Variants in CHD8 observed in about 807,000 individuals in gnomAD.
CHD8 encodes ATP-dependent chromatin remodeler CHD8.
CHD8 carries 31 observed loss-of-function variants against 279.2 expected under a neutral mutation model. The ratio of observed to expected loss-of-function variants is 0.11; its 90% CI spans 0.08 to 0.15. The LOEUF is 0.15. Ranked by LOEUF, CHD8 falls within the 10% of genes least tolerant of loss-of-function variation. CHD8 has a pLI of 1.00. For synonymous variants in CHD8, 1,081 were observed against 1,139.6 expected (o/e 0.95, Z 1.04); for missense variants, 2,146 against 3,230.5 (o/e 0.66, Z 8.14).
chr14:21,431,852 G>A lies in CHD8; in HGVS notation c.-209C>T, dbSNP rs1042024460. 4.4e-6 allele frequency: 7 copies of A among 1,608,490 alleles called. No homozygotes were observed. Among genetic ancestry groups the A allele is most frequent in the East Asian group, 2.2e-5 (1 of 44,868 alleles). On this transcript the variant is annotated 5_prime_UTR_variant, in exon 2 of 38. Coordinates refer to ENST00000646647, the MANE Select transcript of CHD8 (RefSeq NM_001170629.2). Reference sequence around the variant, plus strand: ...GGCTACGTCTTCAGAGGAAGATGGTGGAACTCCTGTTGTAGGAATACAAAT... The same window carrying A: ...GGCTACGTCTTCAGAGGAAGATGGTAGAACTCCTGTTGTAGGAATACAAAT...
At position 21,399,677 on chromosome 14, in the gene CHD8, C is replaced by T; in HGVS notation, c.4846G>A (p.Asp1616Asn). ...SEIDIWFPVVDQLEVPTTWWD... is the reference protein window; with the variant it reads ...SEIDIWFPVVNQLEVPTTWWD... ...CAAGTTGTTGGAACCTCCAGTTGAT[C>T]CACTACTGGGAACCATATGTCAATC... Residue 1616 changes from aspartate (D) to asparagine (N), a missense_variant, in exon 26 of 38, where the codon GAT becomes AAT. Physicochemically the swap from Asp to Asn is conservative, Grantham distance 23. Around this residue, in one of 26 missense-constraint regions of CHD8, gnomAD observed 33 missense variants for 34.8 expected, o/e 0.95. Coordinates refer to ENST00000646647, the MANE Select transcript of CHD8 (RefSeq NM_001170629.2). 1 of 1,612,632 alleles carries T rather than the reference C, an allele frequency of 6.2e-7. No homozygotes were observed.
rs774169675 is a variant in CHD8 at position 21,427,976 on chromosome 14, G to C, written c.1494C>G (p.Gly498=). Residue 498 remains glycine, a synonymous_variant, in exon 4 of 38, where the codon GGC becomes GGG. Transcript: ENST00000646647. ...ELPSVRPEEE[G]EKKRRKKSAG... Reference sequence around the variant, plus strand: ...CACTCTTCTTCCTGCGTTTCTTCTCGCCTTCCTCCTCTGGCCGAACGCTGG... The same window carrying C: ...CACTCTTCTTCCTGCGTTTCTTCTCCCCTTCCTCCTCTGGCCGAACGCTGG... 6.2e-7 allele frequency: 1 copy of C among 1,613,878 alleles called. No homozygotes were observed. The highest frequency in any genetic ancestry group is 1.3e-5 in the African/African-American group (1 of 74,978).
At chr14:21,418,660 A>C (rs999037562) in intron 5 of CHD8, among the ~76,000 whole-genome samples, 3 of 152,092 alleles carry the variant, frequency 2.0e-5, no homozygotes, top group Non-Finnish European at 2.9e-5. Context: ...CTAAAAATAT[A>C]AAAAAATTAG....
In CHD8 at chr14:21,400,929, T is replaced by C. The variant is rs968246339; in HGVS notation, c.4316A>G (p.His1439Arg). Residue 1439 changes from histidine (H) to arginine (R), a missense_variant, in exon 22 of 38, where the codon CAT becomes CGT. By Grantham distance (29) the His-to-Arg change is conservative. Around this residue, in one of 26 missense-constraint regions of CHD8, gnomAD observed 74 missense variants for 91.5 expected, o/e 0.81. Transcript: ENST00000646647. The surrounding 1 kb of genome is among the most constrained non-coding windows in gnomAD (Gnocchi z 4.2). ...RPRSRRHDRH[H>R]AYGRTDCFRV... is the part of the protein sequence containing the mutation. ...AAAGCAGTCAGTGCGCCCATAGGCA[T>C]GATGACGGTCATGTCTGCGGGAGCG... 1.2e-6 allele frequency: 2 copies of C among 1,613,816 alleles called. No individual in the cohort carries two copies. Among genetic ancestry groups the C allele is most frequent in the Non-Finnish European group, 1.7e-6 (2 of 1,179,782 alleles).
chr14:21,415,321 T>C lies in CHD8; in HGVS notation c.1968+253A>G, dbSNP rs61973175. On this transcript the variant is annotated intron_variant, in intron 7 of 37. Coordinates refer to ENST00000646647, the MANE Select transcript of CHD8 (RefSeq NM_001170629.2). ...GCTCATTAAATAAAGCCTGTGAACA[T>C]AGCATTACGGGTTAATATTAAGATA... is the stretch of plus-strand genomic sequence containing the variant. The C allele has an allele frequency of 0.028, 9,692 of 342,796 alleles. 191 individuals carry two copies. The highest frequency in any genetic ancestry group is 0.066 in the African/African-American group (3,094 of 46,818). 21.2% of individuals were successfully genotyped at this position (342,796 alleles called of 1,614,324 possible). A position where few individuals can be genotyped will look rare whatever the true frequency, so the allele number is the denominator to read the frequency against.
chr14:21,453,036 T>C (rs187062963), intron 1 of CHD8, among the ~76,000 whole-genome samples: 8 of 150,524 alleles, frequency 5.3e-5, no homozygotes, highest in Admixed American at 2.0e-4. Context: ...AGGCTGGGTG[T>C]GGTGGCCCAC....
intron 1 of CHD8, 119 bp from the exon 2 acceptor site, chr14:21,431,977 G>T (rs550163583): frequency 2.3e-5 from 15 of 653,066 alleles, no homozygotes; most frequent in Non-Finnish European, 3.9e-5. Context: ...AGGGAAATGT[G>T]AGGAAATCTG....
At position 21,405,136 on chromosome 14, in the gene CHD8, C is replaced by T; in HGVS notation, c.3307+73G>A. On this transcript the variant is annotated intron_variant, in intron 16 of 37. Transcript: ENST00000646647. The surrounding 1 kb of genome is among the most constrained non-coding windows in gnomAD (Gnocchi z 4.2). ...TTGGTTGAGTCAATGCATCCATTGT[C>T]CCCAAGGAGAATCATCCGGAAAGTA... 1 of 1,494,004 alleles carries T rather than the reference C, an allele frequency of 6.7e-7. No homozygotes were observed. Among genetic ancestry groups the T allele is most frequent in the Non-Finnish European group, 9.2e-7 (1 of 1,087,506 alleles). 92.5% of individuals were successfully genotyped at this position (1,494,004 alleles called of 1,614,324 possible). A position where few individuals can be genotyped will look rare whatever the true frequency, so the allele number is the denominator to read the frequency against.
At chr14:21,439,584 CCTTA>C (rs1443006358) in intron 1 of CHD8, among the ~76,000 whole-genome samples, 1 of 152,148 alleles carries the variant, frequency 6.6e-6, no homozygotes, top group Non-Finnish European at 1.5e-5. Flanking sequence ...CTGCCATCTC[CCTTA>C]CTTATGTAGT....
intron 37 of CHD8, chr14:21,386,429 G>C (rs951267583): frequency 1.9e-6 from 1 of 539,144 alleles, no homozygotes; most frequent in African/African-American, 1.9e-5. Context: ...ACCAGTTTTT[G>C]CTTCTTTTCC....
In CHD8 at chr14:21,400,917, C is replaced by T; in HGVS notation, c.4328G>A (p.Arg1443His). The T allele has an allele frequency of 1.2e-6, 2 of 1,613,214 alleles. No individual in the cohort carries two copies. Among genetic ancestry groups the T allele is most frequent in the Non-Finnish European group, 1.7e-6 (2 of 1,179,558 alleles). ...RRHDRHHAYG[R>H]TDCFRVEKHL... ...CTTTTCCACCCGAAAGCAGTCAGTG[C>T]GCCCATAGGCATGATGACGGTCATG... The change falls in exon 22 of 38, where the codon CGC (arginine) becomes CAC (histidine). Residue 1443 changes from arginine (R) to histidine (H), a missense_variant. Physicochemically the swap from Arg to His is conservative, Grantham distance 29 (BLOSUM62 0). This residue lies in a region of CHD8 where 74 missense variants were observed against 91.5 expected (regional missense o/e 0.81). Transcript: ENST00000646647. The surrounding 1 kb of genome is among the most constrained non-coding windows in gnomAD (Gnocchi z 4.2).
At chr14:21,414,180 A>T (rs1888623282) in intron 9 of CHD8, 121 bp downstream of exon 9, 1 of 616,694 alleles carries the variant, frequency 1.6e-6, no homozygotes, top group Admixed American at 3.0e-5. Context: ...ACCAAAATTG[A>T]AAGTTTACAC....
At chr14:21,390,265 TA>T (rs1173014181) in intron 37 of CHD8, among the ~76,000 whole-genome samples, 1 of 152,108 alleles carries the variant, frequency 6.6e-6, no homozygotes, top group African/African-American at 2.4e-5. Context: ...GAAATTGCTT[TA>T]AAACCCTCAC....
At chr14:21,438,253 G>T (rs1889863255) in intron 1 of CHD8, among the ~76,000 whole-genome samples, 1 of 152,022 alleles carries the variant, frequency 6.6e-6, no homozygotes, top group South Asian at 2.1e-4. Flanking sequence ...TAGAGACAGG[G>T]TTTCACTATG....
intron 8 of CHD8, chr14:21,414,731 A>G: frequency 1.6e-6 from 1 of 615,842 alleles, no homozygotes; most frequent in Non-Finnish European, 2.9e-6. Flanking sequence ...ATCAGGAACC[A>G]CCCTCACCCC....
intron 1 of CHD8, among the ~76,000 whole-genome samples, chr14:21,442,981 G>C (rs191534189): frequency 1.3e-5 from 2 of 152,326 alleles, no homozygotes; most frequent in South Asian, 2.1e-4. Context: ...ATTAAGTCCT[G>C]TCAAATACAA....
At chr14:21,388,064 C>T (rs1887354219) in intron 37 of CHD8, among the ~76,000 whole-genome samples, 1 of 152,170 alleles carries the variant, frequency 6.6e-6, no homozygotes, top group African/African-American at 2.4e-5. Flanking sequence ...CTCTTGTTCT[C>T]ATCGAGGCTA....
intron 1 of CHD8, among the ~76,000 whole-genome samples, chr14:21,447,244 T>C (rs1890144984): frequency 6.6e-6 from 1 of 152,136 alleles, no homozygotes; most frequent in East Asian, 1.9e-4. Flanking sequence ...TAAAAGACTG[T>C]TTTCTAGAGT....
At chr14:21,433,201 A>C (rs964455118) in intron 1 of CHD8, among the ~76,000 whole-genome samples, 5 of 152,236 alleles carry the variant, frequency 3.3e-5, no homozygotes, top group Non-Finnish European at 4.4e-5. Flanking sequence ...TCCTCACAGA[A>C]ACTAAATGGT....
Sources: allele counts gnomAD v4.1 joint callset (sites outside exome capture counted in the v4.1 genomes callset), GRCh38; gene constraint gnomAD v4.1.1; regional missense constraint gnomAD v4.1.1; non-coding constraint Gnocchi (gnomAD v3.1); transcripts MANE v1.5; gene names NCBI Gene and HGNC (gene_info 2026-07-23, HGNC 2026-07-21).